NFIB: variants seen among roughly 807,000 people sequenced by gnomAD.
NFIB encodes the protein nuclear factor I B.
In NFIB, 11 loss-of-function variants were observed where a neutral mutation model predicts 61.5. That is an observed-to-expected ratio of 0.18 (90% CI 0.11 to 0.30). NFIB has a LOEUF of 0.30. NFIB is among the 10% of genes least tolerant of loss of function. NFIB has a pLI of 1.00. For missense variants in NFIB, 471 were observed against 608.9 expected (o/e 0.77, Z 2.38); for synonymous variants, 260 against 216.5 (o/e 1.20, Z -1.76).
the NFIB span, among the ~76,000 whole-genome samples, chr9:14,440,839 G>T: frequency 6.6e-6 from 1 of 152,192 alleles, no homozygotes; most frequent in African/African-American, 2.4e-5. Context: ...TTGCCTCATT[G>T]ACTTTAAAAA....
At chr9:14,507,993 C>CAT in the NFIB span, among the ~76,000 whole-genome samples, 284 of 147,984 alleles carry the variant, frequency 1.9e-3, 1 homozygote, top group African/African-American at 3.0e-3. Flanking sequence ...CACACACACA[C>CAT]ATATATATAT....
At chr9:14,407,347 T>C in the NFIB span, among the ~76,000 whole-genome samples, 1 of 152,170 alleles carries the variant, frequency 6.6e-6, no homozygotes, top group Non-Finnish European at 1.5e-5. Context: ...CAAATCAGAC[T>C]GTTTTTGATT....
the NFIB span, among the ~76,000 whole-genome samples, chr9:14,473,337 C>G: frequency 4.6e-5 from 7 of 152,152 alleles, no homozygotes; most frequent in African/African-American, 1.4e-4. Context: ...GATTCCAAGA[C>G]TAGAACAAAA....
At chr9:14,146,059 T>C (rs773599386) in intron 6 of NFIB, among the ~76,000 whole-genome samples, 10 of 152,088 alleles carry the variant, frequency 6.6e-5, no homozygotes, top group East Asian at 3.9e-4. Context: ...TAATGAAATA[T>C]AGTAAATCCA....
chr9:14,491,279 TA>T, the NFIB span, among the ~76,000 whole-genome samples: 1 of 152,018 alleles, frequency 6.6e-6, no homozygotes, highest in Non-Finnish European at 1.5e-5. Flanking sequence ...AGAGTGCACA[TA>T]GGCTTTTGAC....
At chr9:14,481,042 G>T in the NFIB span, among the ~76,000 whole-genome samples, 3 of 150,982 alleles carry the variant, frequency 2.0e-5, no homozygotes, top group African/African-American at 7.3e-5. Context: ...TGAGGATTTT[G>T]CCAGACTGGG....
intron 2 of NFIB, among the ~76,000 whole-genome samples, chr9:14,195,586 G>A (rs1038725784): frequency 2.0e-5 from 3 of 152,092 alleles, no homozygotes; most frequent in East Asian, 1.9e-4. Flanking sequence ...ATTCACTGTC[G>A]ATATAAATGA....
At chr9:14,518,890 C>T in the NFIB span, among the ~76,000 whole-genome samples, 2 of 152,076 alleles carry the variant, frequency 1.3e-5, no homozygotes, top group Non-Finnish European at 2.9e-5. Flanking sequence ...TGCTCAGCCA[C>T]TGGGAGATGG....
chr9:14,427,948 T>TTTTTTTTGTTTTG, the NFIB span, among the ~76,000 whole-genome samples: 1 of 104,034 alleles, frequency 9.6e-6, no homozygotes, highest in African/African-American at 3.7e-5. Context: ...TTTTTTTTTT[T>TTTTTTTTGTTTTG]TTTTTTTTTT....
At chr9:14,377,591 T>C (rs2061434411) in intron 1 of NFIB, among the ~76,000 whole-genome samples, 1 of 152,142 alleles carries the variant, frequency 6.6e-6, no homozygotes, top group South Asian at 2.1e-4. Context: ...AAGCTTTTGG[T>C]AGGGGAAGAG....
At chr9:14,349,845 C>T (rs748060854) in intron 1 of NFIB, among the ~76,000 whole-genome samples, 3 of 152,192 alleles carry the variant, frequency 2.0e-5, no homozygotes, top group Non-Finnish European at 2.9e-5. Flanking sequence ...ACGCTTCCCG[C>T]GCGGCAGTCC....
At chr9:14,515,231 G>C in the NFIB span, among the ~76,000 whole-genome samples, 1 of 152,104 alleles carries the variant, frequency 6.6e-6, no homozygotes, top group South Asian at 2.1e-4. Flanking sequence ...GCATAGGGAA[G>C]ACCCCGTGGG....
upstream of NFIB, among the ~76,000 whole-genome samples, chr9:14,400,477 TCA>T (rs2061732202): frequency 6.6e-6 from 1 of 152,150 alleles, no homozygotes; most frequent in Admixed American, 6.5e-5. Flanking sequence ...TGTTGAGGCA[TCA>T]GGTAAGAAGC....
chr9:14,373,864 A>C (rs561130545), intron 1 of NFIB, among the ~76,000 whole-genome samples: 2 of 152,318 alleles, frequency 1.3e-5, no homozygotes, highest in East Asian at 3.9e-4. Flanking sequence ...CAGCAACTGA[A>C]GGGTTAAGCC....
chr9:14,307,912 T>G lies in NFIB; in HGVS notation c.31-392A>C, dbSNP rs530453444. On this transcript the variant is annotated intron_variant, in intron 1 of 10. Transcript: ENST00000380953. The surrounding 1 kb of genome is among the most constrained non-coding windows in gnomAD (Gnocchi z 5.3). ...ATATTTGATTGACCAACTAACACTA[T>G]GCAGTACCATTTTACAAAGAACACA... The G allele has an allele frequency of 6.1e-6, 1 of 163,330 alleles. No homozygotes were observed. The highest frequency in any genetic ancestry group is 1.7e-4 in the South Asian group (1 of 5,942). 10.1% of individuals were successfully genotyped at this position (163,330 alleles called of 1,614,324 possible).
chr9:14,498,410 G>T, the NFIB span, among the ~76,000 whole-genome samples: 1 of 152,274 alleles, frequency 6.6e-6, no homozygotes, highest in East Asian at 1.9e-4. Flanking sequence ...TGTCCTACTG[G>T]GTAGCGTGGA....
intron 5 of NFIB, among the ~76,000 whole-genome samples, chr9:14,148,271 T>C (rs2042494662): frequency 6.6e-6 from 1 of 151,898 alleles, no homozygotes; most frequent in South Asian, 2.1e-4. Context: ...CACACACACA[T>C]GCCACCAAGC....
the NFIB span, among the ~76,000 whole-genome samples, chr9:14,434,562 T>A: frequency 6.6e-6 from 1 of 152,114 alleles, no homozygotes; most frequent in African/African-American, 2.4e-5. Context: ...GAGGAAAGGA[T>A]CCCTTTCAAA....
the NFIB span, among the ~76,000 whole-genome samples, chr9:14,515,200 C>T: frequency 5.1e-4 from 77 of 152,032 alleles, no homozygotes; most frequent in South Asian, 1.2e-3. Flanking sequence ...GGGAAGCTAT[C>T]GCTAAGGTAG....
Sources: allele counts gnomAD v4.1 joint callset (sites outside exome capture counted in the v4.1 genomes callset), GRCh38; gene constraint gnomAD v4.1.1; non-coding constraint Gnocchi (gnomAD v3.1); transcripts MANE v1.5; gene names NCBI Gene and HGNC (gene_info 2026-07-23, HGNC 2026-07-21).